Variants in SCAPER observed in about 807,000 individuals in gnomAD.
SCAPER encodes the protein S phase cyclin A-associated protein in the endoplasmic reticulum.
A neutral mutation model predicts 182.2 loss-of-function variants in SCAPER; 98 were observed. That is an observed-to-expected ratio of 0.54 (90% CI 0.46 to 0.64). The LOEUF (loss-of-function observed/expected upper bound fraction) is 0.64. SCAPER is among the 30% of genes least tolerant of loss of function. SCAPER has a pLI of 0.00. For synonymous variants in SCAPER, 605 were observed against 564.6 expected (o/e 1.07, Z -1.01); for missense variants, 1,432 against 1,690.0 (o/e 0.85, Z 2.68).
chr15:76,607,098 T>C (rs1003566077), intron 22 of SCAPER, among the ~76,000 whole-genome samples: 1 of 152,228 alleles, frequency 6.6e-6, no homozygotes, highest in Non-Finnish European at 1.5e-5. Context: ...GTTGATGCAG[T>C]TTCTTCCTAG....
At chr15:76,581,507 C>T (rs562968363) in intron 22 of SCAPER, among the ~76,000 whole-genome samples, 10 of 152,284 alleles carry the variant, frequency 6.6e-5, no homozygotes, top group South Asian at 4.1e-4. Flanking sequence ...GTTCAACATA[C>T]GCAAAGCAAA....
At position 76,667,707 on chromosome 15, in the gene SCAPER, CT is replaced by C. The variant is rs1282612152; in HGVS notation, c.2509-1919del. Among the ~76,000 whole-genome samples, 13 of 135,216 alleles carry C rather than the reference CT, an allele frequency of 9.6e-5. No individual in the cohort carries two copies. In the East Asian group the frequency reaches 3.3e-3, roughly 34 times the overall value. The allele number at this position is 135,216 out of a possible 152,430, so 88.7% of individuals were successfully genotyped here. A position where few individuals can be genotyped will look rare whatever the true frequency, so the allele number is the denominator to read the frequency against. On this transcript the variant is annotated intron_variant, in intron 20 of 31. Transcript: ENST00000563290. The stretch of plus-strand genomic sequence containing the variant: ...CAGCTCAACACCTGTAATCCCAAAA[CT>C]TTGGGAAGCCAAGGTGGGAGGATCA...
chr15:76,714,563 T>C (rs201835589), intron 17 of SCAPER, among the ~76,000 whole-genome samples: 19 of 143,638 alleles, frequency 1.3e-4, no homozygotes, highest in African/African-American at 2.7e-4. Context: ...GTAGTAGTAG[T>C]AGCAGTAGTA....
At chr15:76,814,147 G>T (rs934534571) in intron 5 of SCAPER, among the ~76,000 whole-genome samples, 5 of 151,872 alleles carry the variant, frequency 3.3e-5, no homozygotes, top group Non-Finnish European at 4.4e-5. Context: ...CAGCCTGGGC[G>T]TCAAAGCGAG....
intron 27 of SCAPER, among the ~76,000 whole-genome samples, chr15:76,388,064 C>T (rs1011068120): frequency 6.6e-6 from 1 of 152,164 alleles, no homozygotes; most frequent in Admixed American, 6.6e-5. Context: ...AGTACTGTGT[C>T]CAGCACTGGG....
chr15:76,398,109 T>C (rs190236342), intron 27 of SCAPER, among the ~76,000 whole-genome samples: 1 of 152,322 alleles, frequency 6.6e-6, no homozygotes, highest in East Asian at 1.9e-4. Flanking sequence ...ATTTTCTTGG[T>C]CCACCTTTTT....
intron 29 of SCAPER, among the ~76,000 whole-genome samples, chr15:76,361,093 C>A (rs1328758510): frequency 6.6e-6 from 1 of 150,842 alleles, no homozygotes; most frequent in Non-Finnish European, 1.5e-5. Context: ...AATGCAAATT[C>A]TCCTGGAGAG....
chr15:76,453,255 G>A (rs934539885), intron 25 of SCAPER, among the ~76,000 whole-genome samples: 1 of 152,188 alleles, frequency 6.6e-6, no homozygotes, highest in African/African-American at 2.4e-5. Flanking sequence ...TCATCAGTCA[G>A]GAAATGAACA....
intron 1 of SCAPER, among the ~76,000 whole-genome samples, chr15:76,901,874 CA>C (rs2074809763): frequency 1.3e-5 from 2 of 152,156 alleles, no homozygotes; most frequent in African/African-American, 4.8e-5. Context: ...CATGAGCCAC[CA>C]CCTCCAGCTA....
At chr15:76,417,086 T>C (rs976870355) in intron 26 of SCAPER, among the ~76,000 whole-genome samples, 5 of 151,776 alleles carry the variant, frequency 3.3e-5, no homozygotes, top group Non-Finnish European at 7.4e-5. Context: ...AAAAATAAAG[T>C]TTAAAAAAGC....
chr15:76,617,689 C>T (rs962248259), intron 22 of SCAPER, among the ~76,000 whole-genome samples: 1 of 152,014 alleles, frequency 6.6e-6, no homozygotes, highest in Non-Finnish European at 1.5e-5. Context: ...AAAGTGAGGG[C>T]GAGAACAGAA....
intron 9 of SCAPER, 60 bp downstream of exon 9, chr15:76,774,795 G>A (rs2063651431): frequency 1.3e-6 from 2 of 1,487,766 alleles, no homozygotes; most frequent in African/African-American, 1.4e-5. Flanking sequence ...AGACATTCCA[G>A]TACACATGTA....
chr15:76,605,987 A>AT (rs1256992373), intron 22 of SCAPER, among the ~76,000 whole-genome samples: 3 of 152,098 alleles, frequency 2.0e-5, no homozygotes, highest in South Asian at 2.1e-4. Flanking sequence ...GGATTCATTG[A>AT]TTTTTTGAAG....
intron 27 of SCAPER, among the ~76,000 whole-genome samples, chr15:76,382,365 T>A (rs1567031213): frequency 8.5e-6 from 1 of 117,690 alleles, no homozygotes; most frequent in Non-Finnish European, 1.8e-5. Flanking sequence ...TTTTTTCTTT[T>A]ATTTTTTTTT....
intron 23 of SCAPER, among the ~76,000 whole-genome samples, chr15:76,555,535 G>A (rs1163134640): frequency 2.0e-5 from 3 of 152,068 alleles, no homozygotes; most frequent in Admixed American, 1.3e-4. Context: ...AAAAGATGGA[G>A]AAAAATCTAC....
intron 22 of SCAPER, among the ~76,000 whole-genome samples, chr15:76,594,823 G>A (rs1160949604): frequency 8.2e-6 from 1 of 121,338 alleles, no homozygotes; most frequent in Non-Finnish European, 2.0e-5. Flanking sequence ...AGCTCCTGAA[G>A]GAAGAACTAA....
chr15:76,689,451 T>C (rs972206752), intron 20 of SCAPER, among the ~76,000 whole-genome samples: 2 of 151,998 alleles, frequency 1.3e-5, no homozygotes, highest in African/African-American at 4.8e-5. Flanking sequence ...GTATATTTTA[T>C]TAAAATAAAT....
intron 21 of SCAPER, among the ~76,000 whole-genome samples, chr15:76,640,958 T>C (rs911545697): frequency 2.0e-5 from 3 of 152,120 alleles, no homozygotes; most frequent in Non-Finnish European, 4.4e-5. Flanking sequence ...GCTCTGGGAA[T>C]GGAATGTGAC....
Position 76,883,812 on chromosome 15 carries a change from C to A in SCAPER, c.6G>T (p.Met2Ile). The A allele has an allele frequency of 1.3e-6, 2 of 1,535,202 alleles. No homozygotes were observed. The highest frequency in any genetic ancestry group is 1.4e-5 in the African/African-American group (1 of 71,910). Residue 2 changes from methionine (M) to isoleucine (I), a missense_variant and splice_region_variant, in exon 2 of 32, where the codon ATG becomes ATT. Physicochemically the swap from Met to Ile is conservative, Grantham distance 10 (BLOSUM62 1). Coordinates refer to ENST00000563290, the MANE Select transcript of SCAPER (RefSeq NM_020843.4). M[M>I]ASFQRSNSHD... is the part of the protein sequence containing the mutation. ...GGCTAGTCTTTAAGATATCACTTAC[C>A]ATCATTCTTTAAATTCTCTTCTATG... is the stretch of plus-strand genomic sequence containing the variant.
Sources: allele counts gnomAD v4.1 joint callset (sites outside exome capture counted in the v4.1 genomes callset), GRCh38; gene constraint gnomAD v4.1.1; transcripts MANE v1.5; gene names NCBI Gene and HGNC (gene_info 2026-07-23, HGNC 2026-07-21).